Variants in CACNA2D3 observed in about 807,000 individuals in gnomAD.
The protein encoded by CACNA2D3 is voltage-dependent calcium channel subunit alpha-2/delta-3.
A neutral mutation model predicts 160.6 loss-of-function variants in CACNA2D3; 60 were observed. The observed-to-expected ratio is 0.37, with a 90% CI of 0.30 to 0.46. The LOEUF is 0.46. Ranked by LOEUF, CACNA2D3 falls within the 20% of genes least tolerant of loss-of-function variation. The pLI, the probability that CACNA2D3 is intolerant of heterozygous loss-of-function variation, is 1.00. For missense variants in CACNA2D3, 1,205 were observed against 1,365.0 expected (o/e 0.88, Z 1.85); for synonymous variants, 558 against 492.9 (o/e 1.13, Z -1.75).
chr3:55,046,325 C>A (rs1222732040), intron 35 of CACNA2D3, among the ~76,000 whole-genome samples: 2 of 120,132 alleles, frequency 1.7e-5, no homozygotes, highest in Non-Finnish European at 3.4e-5. Context: ...TTGTTCAATT[C>A]CCACCTATGA....
intron 31 of CACNA2D3, among the ~76,000 whole-genome samples, chr3:54,999,752 A>G (rs1400975002): frequency 1.3e-5 from 2 of 152,236 alleles, no homozygotes; most frequent in Non-Finnish European, 2.9e-5. Context: ...TGCTGTTAAA[A>G]TGCAGCCTGC....
intron 2 of CACNA2D3, among the ~76,000 whole-genome samples, chr3:54,141,094 C>CGCGCGCGCGCGCGCGCGCACACACGT (rs768348036): frequency 5.4e-4 from 44 of 81,964 alleles, no homozygotes; most frequent in African/African-American, 1.6e-3. Context: ...TGTGCGCGCG[C>CGCGCGCGCGCGCGCGCGCACACACGT]GCGCGTGTGT....
At chr3:54,809,447 T>G (rs1371906024) in intron 13 of CACNA2D3, among the ~76,000 whole-genome samples, 2 of 142,746 alleles carry the variant, frequency 1.4e-5, no homozygotes, top group Admixed American at 1.4e-4. Context: ...GCCTCCCGAG[T>G]AGCTGGGACT....
At chr3:54,141,833 A>G (rs1354524034) in intron 2 of CACNA2D3, among the ~76,000 whole-genome samples, 1 of 152,238 alleles carries the variant, frequency 6.6e-6, no homozygotes, top group Non-Finnish European at 1.5e-5. Flanking sequence ...TCATTTATTC[A>G]TTCGTTTATT....
rs915298822 is a variant in CACNA2D3, at chr3:54,733,514, G to A, written c.1168-19085G>A. On this transcript the variant is annotated intron_variant, in intron 11 of 37. Coordinates refer to ENST00000474759, the MANE Select transcript of CACNA2D3 (RefSeq NM_018398.3). The stretch of plus-strand genomic sequence containing the variant: ...AAATTCTATTTCTTTGCAATTTGAA[G>A]CAGCTAATTAGAGCCTGTAATTTCT... Among the ~76,000 whole-genome samples the A allele has an allele frequency of 3.3e-5, 5 of 152,286 alleles. No individual in the cohort carries two copies. The East Asian group carries it at 5.8e-4, about 18-fold the overall frequency.
At chr3:54,619,134 G>C (rs1302234996) in intron 9 of CACNA2D3, among the ~76,000 whole-genome samples, 1 of 152,230 alleles carries the variant, frequency 6.6e-6, no homozygotes, top group African/African-American at 2.4e-5. Context: ...CTGGGCTTCA[G>C]CTTTTCCCAG....
chr3:54,886,935 C>CTTTTTTTTTTTTTT (rs60899252), intron 23 of CACNA2D3, among the ~76,000 whole-genome samples: 15 of 107,746 alleles, frequency 1.4e-4, no homozygotes, highest in South Asian at 3.1e-4. Flanking sequence ...CAGCAAAGCT[C>CTTTTTTTTTTTTTT]TTTTTTTTTT....
intron 11 of CACNA2D3, among the ~76,000 whole-genome samples, chr3:54,668,862 C>T (rs1157597062): frequency 6.6e-6 from 1 of 152,318 alleles, no homozygotes; most frequent in Middle Eastern, 3.4e-3. Flanking sequence ...GCTTTTCCTG[C>T]TCCAAGGCAC....
At chr3:54,379,603 TTGTTGTGGCCTCTG>T (rs1036293664) in intron 3 of CACNA2D3, among the ~76,000 whole-genome samples, 14 of 152,326 alleles carry the variant, frequency 9.2e-5, no homozygotes, top group African/African-American at 3.1e-4. Flanking sequence ...CATCCAGTCA[TTGTTGTGGCCTCTG>T]TGTAGGTCCC....
intron 3 of CACNA2D3, among the ~76,000 whole-genome samples, chr3:54,325,859 C>T (rs1704111159): frequency 1.3e-5 from 2 of 152,120 alleles, no homozygotes; most frequent in Non-Finnish European, 2.9e-5. Flanking sequence ...TGTAAATAAA[C>T]TTAATGTTGT....
At chr3:54,548,341 C>T (rs543254241) in intron 5 of CACNA2D3, among the ~76,000 whole-genome samples, 1 of 152,312 alleles carries the variant, frequency 6.6e-6, no homozygotes, top group Admixed American at 6.5e-5. Context: ...TCTCCAACAT[C>T]ATGAAATACA....
intron 9 of CACNA2D3, among the ~76,000 whole-genome samples, chr3:54,612,711 A>G: frequency 6.6e-6 from 1 of 152,206 alleles, no homozygotes; most frequent in East Asian, 1.9e-4. Context: ...CGCTGGGAAG[A>G]TGCCCTGATA....
intron 3 of CACNA2D3, among the ~76,000 whole-genome samples, chr3:54,320,926 T>C (rs1703974673): frequency 6.6e-6 from 1 of 152,230 alleles, no homozygotes; most frequent in South Asian, 2.1e-4. Context: ...TGTGTCACTG[T>C]GTTTTGTGAT....
intron 2 of CACNA2D3, among the ~76,000 whole-genome samples, chr3:54,195,229 G>A (rs1464482722): frequency 6.6e-6 from 1 of 152,174 alleles, no homozygotes; most frequent in African/African-American, 2.4e-5. Flanking sequence ...TGATGCATGT[G>A]ATCTGGAGGA....
intron 4 of CACNA2D3, among the ~76,000 whole-genome samples, chr3:54,429,582 G>A (rs1207935522): frequency 6.6e-6 from 1 of 152,076 alleles, no homozygotes; most frequent in African/African-American, 2.4e-5. Flanking sequence ...CTGAGGAGCC[G>A]TTCAGTGAGA....
At chr3:54,925,063 T>C in intron 27 of CACNA2D3, 1 of 1,614,112 alleles carries the variant, frequency 6.2e-7, no homozygotes. Context: ...AAATGCAGCG[T>C]TCGAGTCTGA....
chr3:54,250,372 A>G lies in CACNA2D3; in HGVS notation c.205-70070A>G, dbSNP rs559160403. On this transcript the variant is annotated intron_variant, in intron 2 of 37. Transcript: ENST00000474759. Reference sequence around the variant, plus strand: ...TGATTTAGCCATTCTAATTATATATATCTTTATCAAAACATCATATTATAC... The same window carrying G: ...TGATTTAGCCATTCTAATTATATATGTCTTTATCAAAACATCATATTATAC... 2.4e-4 allele frequency among the ~76,000 whole-genome samples: 37 copies of G among 152,320 alleles called. No individual in the cohort carries two copies. The Middle Eastern group carries it at 0.017, about 70-fold the overall frequency.
intron 31 of CACNA2D3, among the ~76,000 whole-genome samples, chr3:54,991,018 A>G (rs752513614): frequency 3.9e-5 from 6 of 152,218 alleles, no homozygotes; most frequent in South Asian, 2.1e-4. Flanking sequence ...TCACAGACCA[A>G]TAGGTTCAGC....
chr3:54,694,386 T>C (rs1700624165), intron 11 of CACNA2D3, among the ~76,000 whole-genome samples: 1 of 152,216 alleles, frequency 6.6e-6, no homozygotes, highest in Admixed American at 6.5e-5. Flanking sequence ...AACCAAATCT[T>C]GTAATAACAC....
Sources: gnomAD v4.1 joint callset for allele counts (sites outside exome capture counted in the v4.1 genomes callset) on GRCh38, gnomAD v4.1.1 for gene constraint, MANE v1.5 for transcripts, NCBI Gene and HGNC (gene_info 2026-07-23, HGNC 2026-07-21) for gene names.